Variants in TNKS observed in about 807,000 individuals in gnomAD.
TNKS encodes tankyrase.
In TNKS, 72 loss-of-function variants were observed where a neutral mutation model predicts 135.8. That is an observed-to-expected ratio of 0.53 (90% CI 0.44 to 0.64). The LOEUF is 0.64. TNKS is among the 30% of genes least tolerant of loss of function. The probability of loss-of-function intolerance (pLI) is 0.00; values close to 1 mark genes in which losing one functional copy is unlikely to be tolerated. For missense variants in TNKS, 1,769 were observed against 1,674.0 expected (o/e 1.06, Z -0.99); for synonymous variants, 849 against 649.3 (o/e 1.31, Z -4.68).
At chr8:9,565,679 G>A (rs571768688) in intron 1 of TNKS, among the ~76,000 whole-genome samples, 18 of 151,706 alleles carry the variant, frequency 1.2e-4, no homozygotes, top group South Asian at 2.1e-4. Flanking sequence ...GTGAAACCCC[G>A]TCTCTACTAA....
At chr8:9,671,040 C>T (rs1802248029) in intron 3 of TNKS, 1 of 152,054 alleles carries the variant, frequency 6.6e-6, no homozygotes, top group South Asian at 2.1e-4. Context: ...AGATGAATTG[C>T]CCCTATATGA....
intron 8 of TNKS, among the ~76,000 whole-genome samples, chr8:9,707,480 GC>G (rs1804104888): frequency 6.6e-6 from 1 of 152,100 alleles, no homozygotes; most frequent in Non-Finnish European, 1.5e-5. Context: ...CATTTCCCGA[GC>G]CCTGCAAGGC....
intron 17 of TNKS, chr8:9,743,576 A>G (rs1365229527): frequency 6.6e-6 from 1 of 152,192 alleles, no homozygotes; most frequent in Non-Finnish European, 1.5e-5. Context: ...ATGCAAGGTA[A>G]TACTGTTATT....
chr8:9,655,032 C>T (rs529981886), intron 3 of TNKS, among the ~76,000 whole-genome samples: 60 of 152,274 alleles, frequency 3.9e-4, no homozygotes, highest in Non-Finnish European at 6.3e-4. Context: ...CCTGGAAAAT[C>T]GGGTCACTCC....
intron 18 of TNKS, 91 bp from the exon 19 acceptor site, chr8:9,751,518 A>G: frequency 8.0e-7 from 1 of 1,246,750 alleles, no homozygotes; most frequent in East Asian, 2.4e-5. Flanking sequence ...TCATTAAGGA[A>G]AAAATCCACA....
At chr8:9,610,237 A>G (rs185306814) in intron 2 of TNKS, among the ~76,000 whole-genome samples, 5 of 152,150 alleles carry the variant, frequency 3.3e-5, no homozygotes, top group Admixed American at 1.3e-4. Context: ...GACTACTTTT[A>G]TGCTATAATA....
chr8:9,635,990 A>G (rs1483034466), intron 3 of TNKS, among the ~76,000 whole-genome samples: 1 of 152,260 alleles, frequency 6.6e-6, no homozygotes, highest in Non-Finnish European at 1.5e-5. Context: ...AAAGTATTGT[A>G]CCAGTGTTAC....
chr8:9,640,024 T>C (rs1266365356), intron 3 of TNKS, among the ~76,000 whole-genome samples: 2 of 152,182 alleles, frequency 1.3e-5, no homozygotes. Flanking sequence ...ATGTGTGAAC[T>C]CTTTAGCTAA....
chr8:9,765,209 T>TA (rs1252805031), intron 23 of TNKS, among the ~76,000 whole-genome samples: 1 of 152,196 alleles, frequency 6.6e-6, no homozygotes, highest in Non-Finnish European at 1.5e-5. Context: ...TCTCAATTTA[T>TA]AATATGGAAC....
chr8:9,738,971 CGTT>C (rs1194754229), intron 17 of TNKS, among the ~76,000 whole-genome samples: 7 of 151,850 alleles, frequency 4.6e-5, no homozygotes, highest in African/African-American at 1.7e-4. Context: ...CTTTCTGTCT[CGTT>C]GATCTGTCTA....
intron 2 of TNKS, among the ~76,000 whole-genome samples, chr8:9,590,936 C>G (rs756581205): frequency 6.6e-6 from 1 of 152,244 alleles, no homozygotes; most frequent in East Asian, 1.9e-4. Flanking sequence ...AAGTCTGTTT[C>G]TGCTTTCGTT....
At chr8:9,715,807 TC>T (rs1021341046) in intron 11 of TNKS, among the ~76,000 whole-genome samples, 1 of 152,146 alleles carries the variant, frequency 6.6e-6, no homozygotes, top group Non-Finnish European at 1.5e-5. Flanking sequence ...TTAAAAAAAA[TC>T]AATAATTTAT....
intron 5 of TNKS, among the ~76,000 whole-genome samples, chr8:9,698,051 C>T (rs1199855867): frequency 6.6e-6 from 1 of 152,062 alleles, no homozygotes; most frequent in Non-Finnish European, 1.5e-5. Context: ...ACATATACAC[C>T]ATGGAATACC....
intron 3 of TNKS, among the ~76,000 whole-genome samples, chr8:9,649,873 CTTTTCTTTTTTTTTTTT>C (rs1186219956): frequency 6.3e-5 from 6 of 95,804 alleles, no homozygotes; most frequent in Non-Finnish European, 1.2e-4. Context: ...TCTTTCTTTT[CTTTTCTTTTTTTTTTTT>C]TTTTTTTTTT....
At chr8:9,759,211 A>T (rs989641550) in intron 20 of TNKS, among the ~76,000 whole-genome samples, 1 of 152,244 alleles carries the variant, frequency 6.6e-6, no homozygotes, top group African/African-American at 2.4e-5. Context: ...GGTGGGAATC[A>T]TTGAGTCTGT....
At chr8:9,570,187 C>A (rs558321988) in intron 1 of TNKS, among the ~76,000 whole-genome samples, 1 of 152,170 alleles carries the variant, frequency 6.6e-6, no homozygotes, top group African/African-American at 2.4e-5. Flanking sequence ...CACTTGTAAT[C>A]CCAGCACTTT....
intron 7 of TNKS, among the ~76,000 whole-genome samples, 162 bp from the exon 8 acceptor site, chr8:9,706,649 T>C (rs578066217): frequency 6.6e-5 from 10 of 152,370 alleles, no homozygotes; most frequent in African/African-American, 2.4e-4. Context: ...TTTTAAAACA[T>C]TGAATTTAAT....
intron 3 of TNKS, among the ~76,000 whole-genome samples, chr8:9,674,981 A>C (rs952822305): frequency 1.3e-5 from 2 of 152,172 alleles, no homozygotes; most frequent in Non-Finnish European, 2.9e-5. Flanking sequence ...AGCTGTGATA[A>C]CTTTGTAATT....
chr8:9,667,618 A>T (rs942179896), intron 3 of TNKS, among the ~76,000 whole-genome samples: 3 of 152,182 alleles, frequency 2.0e-5, no homozygotes, highest in African/African-American at 4.8e-5. Flanking sequence ...TTTATCCTTC[A>T]TAGTCTGTCA....
Sources: allele counts gnomAD v4.1 joint callset (sites outside exome capture counted in the v4.1 genomes callset), GRCh38; gene constraint gnomAD v4.1.1; transcripts MANE v1.5; gene names NCBI Gene and HGNC (gene_info 2026-07-23, HGNC 2026-07-21).